NCOA1: variants seen among roughly 807,000 people sequenced by gnomAD.
NCOA1 encodes the protein Hin-2 protein.
In NCOA1, 35 loss-of-function variants were observed where a neutral mutation model predicts 150.9. The ratio of observed to expected loss-of-function variants is 0.23; its 90% CI spans 0.18 to 0.31. NCOA1 has a LOEUF of 0.31. NCOA1 is among the 10% of genes least tolerant of loss of function. The pLI, the probability that NCOA1 is intolerant of heterozygous loss-of-function variation, is 1.00. For synonymous variants in NCOA1, 590 were observed against 630.0 expected (o/e 0.94, Z 0.95); for missense variants, 1,491 against 1,749.3 (o/e 0.85, Z 2.63).
chr2:24,516,978 A>G (rs1208713925), intron 1 of NCOA1, among the ~76,000 whole-genome samples: 1 of 39,066 alleles, frequency 2.6e-5, no homozygotes. Context: ...ATATATACAC[A>G]TATACGTATA....
chr2:24,613,879 G>A (rs145484404), intron 3 of NCOA1, among the ~76,000 whole-genome samples: 354 of 152,284 alleles, frequency 2.3e-3, no homozygotes, highest in African/African-American at 8.0e-3. Context: ...GCTGCACCCC[G>A]ACTTTTGAGT....
intron 4 of NCOA1, among the ~76,000 whole-genome samples, chr2:24,647,850 G>C (rs1294624518): frequency 6.6e-6 from 1 of 152,208 alleles, no homozygotes; most frequent in African/African-American, 2.4e-5. Flanking sequence ...TATTTGAGAA[G>C]TACTGTACTG....
chr2:24,629,828 A>ATATATG (rs1193999731), intron 3 of NCOA1, among the ~76,000 whole-genome samples: 1 of 135,230 alleles, frequency 7.4e-6, no homozygotes, highest in Non-Finnish European at 1.5e-5. Context: ...ATATATATAT[A>ATATATG]TATATATATA....
rs550254943 is a variant in NCOA1, at chr2:24,738,706, T to C, written c.3202-726T>C. Among the ~76,000 whole-genome samples the C allele has an allele frequency of 3.5e-4, 53 of 152,358 alleles. 1 individual carries two copies. In the South Asian group the frequency reaches 9.9e-3, roughly 29 times the overall value. On this transcript the variant is annotated intron_variant, in intron 17 of 22. Coordinates refer to ENST00000348332, the MANE Select transcript of NCOA1 (RefSeq NM_003743.5). ...TGCAGTAAATAAATCTGTTTTACCT[T>C]GTGTAACCCATCATTTCCAGTACTT...
intron 4 of NCOA1, among the ~76,000 whole-genome samples, chr2:24,650,791 C>A (rs1670678679): frequency 6.6e-6 from 1 of 152,106 alleles, no homozygotes; most frequent in Non-Finnish European, 1.5e-5. Flanking sequence ...ATTAGGATAG[C>A]TGTTACAAGT....
At chr2:24,701,139 T>TCA (rs1553308504) in intron 11 of NCOA1, among the ~76,000 whole-genome samples, 1 of 151,452 alleles carries the variant, frequency 6.6e-6, no homozygotes, top group South Asian at 2.1e-4. Context: ...AAAGTTCTGT[T>TCA]TATATATATA....
At chr2:24,741,021 C>G (rs1450468235) in intron 18 of NCOA1, among the ~76,000 whole-genome samples, 1 of 152,124 alleles carries the variant, frequency 6.6e-6, no homozygotes, top group Non-Finnish European at 1.5e-5. Flanking sequence ...ATCTGAAACT[C>G]CAATAATAAT....
At chr2:24,757,694 T>C (rs1394650968) in intron 20 of NCOA1, among the ~76,000 whole-genome samples, 2 of 152,180 alleles carry the variant, frequency 1.3e-5, no homozygotes, top group Admixed American at 6.5e-5. Context: ...TTTACTTACA[T>C]GGAAAACTTC....
At chr2:24,638,782 T>TTGG (rs1226591686) in intron 3 of NCOA1, among the ~76,000 whole-genome samples, 1 of 152,204 alleles carries the variant, frequency 6.6e-6, no homozygotes, top group Non-Finnish European at 1.5e-5. Flanking sequence ...TGTATGACTT[T>TTGG]TGGTCATTTG....
intron 19 of NCOA1, among the ~76,000 whole-genome samples, chr2:24,746,838 A>T (rs997457414): frequency 1.3e-5 from 2 of 152,206 alleles, no homozygotes; most frequent in Admixed American, 1.3e-4. Context: ...CCAAGAGTGA[A>T]CCGTAATGTA....
chr2:24,529,552 G>C (rs575185514), intron 1 of NCOA1, among the ~76,000 whole-genome samples: 67 of 152,300 alleles, frequency 4.4e-4, no homozygotes, highest in African/African-American at 1.6e-3. Context: ...GCCCAGGCTG[G>C]TCTTGAACTG....
Position 24,511,810 on chromosome 2 carries a change from A to G in NCOA1, c.-396+20208A>G, listed in dbSNP as rs537297180. On this transcript the variant is annotated intron_variant, in intron 1 of 22. Coordinates refer to ENST00000348332, the MANE Select transcript of NCOA1 (RefSeq NM_003743.5). ...CCATTGTCTAATCCAAGGTCACAAA[A>G]ATTTATGTCTTTTTTTTCTAAGAGT... Among the ~76,000 whole-genome samples the G allele has an allele frequency of 3.3e-5, 5 of 152,026 alleles. No homozygotes were observed. The East Asian group carries it at 9.7e-4, about 29-fold the overall frequency.
chr2:24,751,205 A>G (rs1377456346), intron 19 of NCOA1, among the ~76,000 whole-genome samples: 1 of 149,916 alleles, frequency 6.7e-6, no homozygotes, highest in African/African-American at 2.4e-5. Flanking sequence ...ACCTCAGGTG[A>G]TCCACCCACC....
chr2:24,520,458 A>G (rs1232713810), intron 1 of NCOA1, among the ~76,000 whole-genome samples: 4 of 152,230 alleles, frequency 2.6e-5, no homozygotes, highest in Non-Finnish European at 4.4e-5. Flanking sequence ...AATGAATATC[A>G]AAATAATTAT....
chr2:24,553,606 A>G (rs1665956171), intron 1 of NCOA1, among the ~76,000 whole-genome samples: 1 of 152,166 alleles, frequency 6.6e-6, no homozygotes, highest in African/African-American at 2.4e-5. Flanking sequence ...ATTTTCTTTC[A>G]TATGTTGAAC....
intron 22 of NCOA1, among the ~76,000 whole-genome samples, chr2:24,767,366 A>G (rs900828194): frequency 3.3e-5 from 5 of 152,244 alleles, no homozygotes; most frequent in African/African-American, 1.2e-4. Flanking sequence ...GGTCTGGAAC[A>G]TTCACAAGTG....
intron 1 of NCOA1, among the ~76,000 whole-genome samples, chr2:24,539,779 T>C (rs1170606337): frequency 6.6e-6 from 1 of 152,206 alleles, no homozygotes; most frequent in East Asian, 1.9e-4. Flanking sequence ...TAGGAGGTCC[T>C]GTGGGTAACA....
intron 3 of NCOA1, among the ~76,000 whole-genome samples, chr2:24,610,024 G>A (rs1471723212): frequency 6.6e-6 from 1 of 151,658 alleles, no homozygotes; most frequent in East Asian, 1.9e-4. Flanking sequence ...ATTGTGATCA[G>A]GGAATGTAGT....
At chr2:24,507,978 G>A (rs10495749) in intron 1 of NCOA1, among the ~76,000 whole-genome samples, 28,345 of 151,902 alleles carry the variant, frequency 0.19, 2,820 homozygotes, top group Non-Finnish European at 0.23. Flanking sequence ...TTTCATTATA[G>A]CATGTGCTCA....
Sources: gnomAD v4.1 joint callset for allele counts (sites outside exome capture counted in the v4.1 genomes callset) on GRCh38, gnomAD v4.1.1 for gene constraint, MANE v1.5 for transcripts, NCBI Gene and HGNC (gene_info 2026-07-23, HGNC 2026-07-21) for gene names.